Variants in GPD2 observed in about 807,000 individuals in gnomAD.
The protein encoded by GPD2 is glycerol-3-phosphate dehydrogenase, mitochondrial.
GPD2 carries 54 observed loss-of-function variants against 82.4 expected under a neutral mutation model. That is an observed-to-expected ratio of 0.66 (90% CI 0.53 to 0.82). The LOEUF (loss-of-function observed/expected upper bound fraction) is 0.82, where lower values mean the gene tolerates loss of function less well. Ranked by LOEUF, GPD2 falls within the 40% of genes least tolerant of loss-of-function variation. The pLI is 0.00. For missense variants in GPD2, 748 were observed against 896.2 expected, an observed-to-expected ratio of 0.83 and a Z score of 2.11; for synonymous variants, 288 against 306.1, an observed-to-expected ratio of 0.94 and a Z score of 0.62.
At chr2:156,471,309 A>G (rs890662194) in intron 1 of GPD2, among the ~76,000 whole-genome samples, 2 of 152,162 alleles carry the variant, frequency 1.3e-5, no homozygotes, top group African/African-American at 4.8e-5. Flanking sequence ...ATTGCCCTCT[A>G]ATTGGTCTCT....
chr2:156,462,453 ATTTTTTTT>A (rs35159143), intron 1 of GPD2, among the ~76,000 whole-genome samples: 2 of 118,186 alleles, frequency 1.7e-5, no homozygotes, highest in African/African-American at 6.4e-5. Context: ...ACCCGGATAC[ATTTTTTTT>A]TTTTTTTTTT....
At chr2:156,436,101 A>G (rs557592018), upstream of GPD2, among the ~76,000 whole-genome samples, 1 of 152,168 alleles carries the variant, frequency 6.6e-6, no homozygotes, top group South Asian at 2.1e-4. Context: ...AGTCACGTTC[A>G]TTGGGCCACG....
At chr2:156,550,130 C>A (rs762101580) in intron 7 of GPD2, among the ~76,000 whole-genome samples, 2 of 152,148 alleles carry the variant, frequency 1.3e-5, no homozygotes, top group African/African-American at 2.4e-5. Context: ...CATTGTTACA[C>A]GTTGTTAAAG....
chr2:156,401,859 G>C, the GPD2 span, among the ~76,000 whole-genome samples: 1 of 152,000 alleles, frequency 6.6e-6, no homozygotes. Flanking sequence ...AGATATAGGA[G>C]GGGAAAAAAA....
chr2:156,470,486 A>G (rs1038348502), intron 1 of GPD2, among the ~76,000 whole-genome samples: 4 of 152,236 alleles, frequency 2.6e-5, no homozygotes, highest in Non-Finnish European at 5.9e-5. Flanking sequence ...GGTATAAGCC[A>G]CTGGTCCAGC....
chr2:156,410,089 G>A, the GPD2 span, among the ~76,000 whole-genome samples: 1 of 152,158 alleles, frequency 6.6e-6, no homozygotes, highest in East Asian at 1.9e-4. Flanking sequence ...AAAAGTAATT[G>A]ACAGCCACTT....
chr2:156,502,086 C>T (rs184075366), intron 3 of GPD2, among the ~76,000 whole-genome samples: 1 of 140,304 alleles, frequency 7.1e-6, no homozygotes, highest in Admixed American at 7.5e-5. Context: ...ATCCACTCCC[C>T]CCGATTTATA....
At chr2:156,508,372 C>T (rs1031799034) in intron 3 of GPD2, among the ~76,000 whole-genome samples, 1 of 152,106 alleles carries the variant, frequency 6.6e-6, no homozygotes, top group Non-Finnish European at 1.5e-5. Flanking sequence ...GACCTAATCA[C>T]AGTAGTGGCA....
At chr2:156,473,106 C>CA (rs1683387818) in intron 1 of GPD2, among the ~76,000 whole-genome samples, 1 of 152,126 alleles carries the variant, frequency 6.6e-6, no homozygotes, top group Admixed American at 6.5e-5. Context: ...CTGATTCTTG[C>CA]CTTTGACTTT....
rs761852826 is a variant in GPD2, at chr2:156,513,317, C to T, written c.498-16C>T. The T allele has an allele frequency of 2.4e-5, 38 of 1,583,716 alleles. 1 individual carries two copies. Among genetic ancestry groups the T allele is most frequent in the Middle Eastern group, 4.5e-4 (2 of 4,484 alleles). On this transcript the variant is annotated splice_polypyrimidine_tract_variant and intron_variant, in intron 5 of 16. Coordinates refer to ENST00000438166, the MANE Select transcript of GPD2 (RefSeq NM_000408.5). Reference sequence around the variant, plus strand: ...ACTCTGTTTCTGAAGAACTTTCCCCCCTATTTATGCTGTAGGTGGTGGCAG... The same window carrying T: ...ACTCTGTTTCTGAAGAACTTTCCCCTCTATTTATGCTGTAGGTGGTGGCAG...
chr2:156,580,171 A>G (rs1687978760), intron 16 of GPD2, among the ~76,000 whole-genome samples: 1 of 152,164 alleles, frequency 6.6e-6, no homozygotes, highest in Admixed American at 6.5e-5. Context: ...GCAACACAAG[A>G]TTTCTAATCT....
chr2:156,531,448 A>C (rs1685855916), intron 6 of GPD2, among the ~76,000 whole-genome samples: 1 of 152,240 alleles, frequency 6.6e-6, no homozygotes, highest in South Asian at 2.1e-4. Context: ...TCTGCACATC[A>C]GCACTGGCCC....
the GPD2 span, among the ~76,000 whole-genome samples, chr2:156,419,700 C>A: frequency 1.2e-4 from 19 of 152,278 alleles, no homozygotes; most frequent in African/African-American, 4.6e-4. Flanking sequence ...GTTGAGTTTG[C>A]ATTTACAAGT....
At chr2:156,552,813 A>G (rs930181366) in intron 8 of GPD2, among the ~76,000 whole-genome samples, 4 of 150,554 alleles carry the variant, frequency 2.7e-5, no homozygotes, top group African/African-American at 9.7e-5. Flanking sequence ...TTGCTATAGG[A>G]CTTCTGGGGT....
intron 6 of GPD2, among the ~76,000 whole-genome samples, chr2:156,523,670 C>CCAGA (rs548547563): frequency 2.0e-5 from 3 of 146,590 alleles, no homozygotes; most frequent in Admixed American, 1.4e-4. Context: ...AATTTCTTTT[C>CCAGA]TAGATAGATA....
chr2:156,530,252 G>A (rs1275427655), intron 6 of GPD2, among the ~76,000 whole-genome samples: 1 of 88,496 alleles, frequency 1.1e-5, no homozygotes, highest in Non-Finnish European at 2.5e-5. Context: ...TCTGTTGTTG[G>A]TGTATAAGAA....
At chr2:156,547,323 T>C (rs1328659036) in intron 6 of GPD2, among the ~76,000 whole-genome samples, 8 of 152,216 alleles carry the variant, frequency 5.3e-5, no homozygotes, top group Non-Finnish European at 1.5e-5. Flanking sequence ...CTCCAGGAGA[T>C]GCAGAACTAG....
At chr2:156,577,548 CAA>C (rs954445579) in intron 13 of GPD2, among the ~76,000 whole-genome samples, 1 of 152,082 alleles carries the variant, frequency 6.6e-6, no homozygotes, top group Non-Finnish European at 1.5e-5. Flanking sequence ...TCAACATAAC[CAA>C]ACACATATAA....
At chr2:156,468,239 C>T (rs1294505141) in intron 1 of GPD2, among the ~76,000 whole-genome samples, 1 of 152,158 alleles carries the variant, frequency 6.6e-6, no homozygotes, top group Non-Finnish European at 1.5e-5. Context: ...CTTTTGAGCT[C>T]ACTCCTTCTT....
Sources: allele counts gnomAD v4.1 joint callset (sites outside exome capture counted in the v4.1 genomes callset), GRCh38; gene constraint gnomAD v4.1.1; transcripts MANE v1.5; gene names NCBI Gene and HGNC (gene_info 2026-07-23, HGNC 2026-07-21).